The following PDK3 variants were observed in gnomAD, a reference collection of about 807,000 sequenced individuals.
PDK3 encodes pyruvate dehydrogenase kinase 3, also known as pyruvate dehydrogenase kinase, isozyme 3.
In PDK3, 12 loss-of-function variants were observed where a neutral mutation model predicts 32.0. That is an observed-to-expected ratio of 0.37 (90% CI 0.24 to 0.61). The LOEUF (loss-of-function observed/expected upper bound fraction) is 0.61. PDK3 is among the 20% of genes least tolerant of loss of function. The probability of loss-of-function intolerance (pLI) is 0.65; values close to 1 mark genes in which losing one functional copy is unlikely to be tolerated. For synonymous variants in PDK3, 122 were observed against 116.3 expected (o/e 1.05, Z -0.31); for missense variants, 188 against 316.9 (o/e 0.59, Z 3.09).
chrX:24,477,080 AGGTAATC>A (rs1353187799), intron 1 of PDK3, among the ~76,000 whole-genome samples: 2 of 111,971 alleles, frequency 1.8e-5, no homozygotes, highest in African/African-American at 6.5e-5. Flanking sequence ...AGGCTTTTCC[AGGTAATC>A]GGGTGGTTTA....
intron 10 of PDK3, among the ~76,000 whole-genome samples, chrX:24,532,529 G>A (rs1922674633): frequency 9.0e-6 from 1 of 111,258 alleles, no homozygotes; most frequent in South Asian, 3.8e-4. Flanking sequence ...GGTGATCATT[G>A]GGCTTTTATT....
chrX:24,541,046 A>G (rs1016972625), exon 12 of PDK3, among the ~76,000 whole-genome samples: 5 of 105,667 alleles, frequency 4.7e-5, no homozygotes, highest in African/African-American at 1.7e-4. Flanking sequence ...AATAGCTGGG[A>G]TTACAGGCAT....
At chrX:24,473,538 G>A (rs987292736) in intron 1 of PDK3, among the ~76,000 whole-genome samples, 2 of 108,905 alleles carry the variant, frequency 1.8e-5, no homozygotes, top group Non-Finnish European at 3.8e-5. Flanking sequence ...CCGGGTTCAG[G>A]TGATTCTCCT....
At chrX:24,512,294 C>T (rs1367123554) in intron 5 of PDK3, among the ~76,000 whole-genome samples, 3 of 111,898 alleles carry the variant, frequency 2.7e-5, no homozygotes, top group Non-Finnish European at 5.6e-5. Context: ...GTGTAAAAAT[C>T]GATTCTCACA....
At chrX:24,497,964 A>G in intron 2 of PDK3, among the ~76,000 whole-genome samples, 1 of 111,786 alleles carries the variant, frequency 8.9e-6, no homozygotes, top group African/African-American at 3.3e-5. Context: ...CCAGATTTTA[A>G]TGTTGGACAG....
downstream of PDK3, chrX:24,539,167 G>GAA (rs1922839572): frequency 9.0e-7 from 1 of 1,108,556 alleles, no homozygotes; most frequent in Non-Finnish European, 1.2e-6. Flanking sequence ...CTTTCTAGAG[G>GAA]ACTGAATGCT....
rs370471581 is a variant in PDK3 at position 24,523,619 on chromosome X, T to C, written c.674-2579T>C. On this transcript the variant is annotated intron_variant, in intron 6 of 10. Transcript: ENST00000379162. ...GAGGGATGACGGGAGGCAGCTGTAC[T>C]CTGGCCGGGTTCAGCCTGCCAACAG... 1.5e-3 allele frequency among the ~76,000 whole-genome samples: 165 copies of C among 112,568 alleles called. 1 individual carries two copies. The highest frequency in any genetic ancestry group is 4.8e-3 in the African/African-American group (148 of 31,051).
At chrX:24,526,486 T>C (rs1371617339) in intron 7 of PDK3, among the ~76,000 whole-genome samples, 1 of 112,453 alleles carries the variant, frequency 8.9e-6, no homozygotes, top group Non-Finnish European at 1.9e-5. Context: ...TTAGTACATA[T>C]TGATTTTGAA....
intron 1 of PDK3, among the ~76,000 whole-genome samples, chrX:24,479,998 C>T (rs937838329): frequency 1.8e-5 from 2 of 111,038 alleles, no homozygotes; most frequent in Admixed American, 9.6e-5. Flanking sequence ...CATGTCTGCC[C>T]GCCTGATCGT....
At chrX:24,496,810 C>G (rs1284688699) in intron 2 of PDK3, among the ~76,000 whole-genome samples, 2 of 66,416 alleles carry the variant, frequency 3.0e-5, no homozygotes, top group Non-Finnish European at 5.0e-5. Flanking sequence ...GAGACAGAGT[C>G]TCTCTCTGTT....
chrX:24,484,273 C>T (rs1049954586), intron 1 of PDK3, among the ~76,000 whole-genome samples: 1 of 112,361 alleles, frequency 8.9e-6, no homozygotes, highest in Non-Finnish European at 1.9e-5. Flanking sequence ...CTTGGCTTCC[C>T]ACTGGGATTA....
chrX:24,547,422 GTAATATATTA>G (rs1258129932), exon 12 of PDK3: 1 of 111,479 alleles, frequency 9.0e-6, no homozygotes, highest in Admixed American at 9.5e-5. Context: ...TATGGAGAGG[GTAATATATTA>G]TGTAGAAATT....
At chrX:24,500,117 T>G (rs1310694400) in intron 3 of PDK3, among the ~76,000 whole-genome samples, 1 of 110,979 alleles carries the variant, frequency 9.0e-6, no homozygotes, top group Non-Finnish European at 1.9e-5. Flanking sequence ...GTATAGTTGG[T>G]CCTTTGTACT....
chrX:24,496,568 C>CTTTTTT lies in PDK3; in HGVS notation c.248+1703_248+1708dup, dbSNP rs763095558. ...CTAATTGTCCTGATACTACCCCCAT[C>CTTTTTT]TTTTTTTTTTTTTTTTTTTTTTTGC... On this transcript the variant is annotated intron_variant, in intron 2 of 10. Coordinates refer to ENST00000379162, the MANE Select transcript of PDK3 (RefSeq NM_005391.5). Among the ~76,000 whole-genome samples the CTTTTTT allele has an allele frequency of 2.8e-3, 109 of 39,314 alleles. 9 individuals are homozygous for CTTTTTT. The highest frequency in any genetic ancestry group is 0.014 in the Admixed American group (44 of 3,207). 34.1% of individuals were successfully genotyped at this position (39,314 alleles called of 115,157 possible). A position where few individuals can be genotyped will look rare whatever the true frequency, so the allele number is the denominator to read the frequency against.
At position 24,498,819 on chromosome X, in the gene PDK3, T is replaced by C. The variant is rs1270489752; in HGVS notation, c.249-10T>C. On this transcript the variant is annotated splice_polypyrimidine_tract_variant and intron_variant, in intron 2 of 10. Coordinates refer to ENST00000379162, the MANE Select transcript of PDK3 (RefSeq NM_005391.5). ...TAACTCTTCTTTTTCTTTTTTTTTT[T>C]TCCTTTTAGGTATATGCAGAGTTTT... The C allele has an allele frequency of 7.6e-6, 8 of 1,056,532 alleles. No individual in the cohort carries two copies. Among genetic ancestry groups the C allele is most frequent in the Non-Finnish European group, 1.0e-5 (8 of 780,916 alleles). The allele number at this position is 1,056,532 out of a possible 1,213,427, so 87.1% of individuals were successfully genotyped here.
chrX:24,530,828 A>G (rs2148202962), intron 9 of PDK3, among the ~76,000 whole-genome samples: 1 of 112,119 alleles, frequency 8.9e-6, no homozygotes, highest in East Asian at 2.8e-4. Context: ...TACCTGAACT[A>G]CAATATACCA....
At position 24,475,221 on chromosome X, in the gene PDK3, G is replaced by C. The variant is rs140412420; in HGVS notation, c.106+9660G>C. ...TTTCCCTGTAAGCAGTAGTTTTTCT[G>C]CTACAAGGTGTCACCAAGAATTAGA... On this transcript the variant is annotated intron_variant, in intron 1 of 10. Transcript: ENST00000379162. Among the ~76,000 whole-genome samples, 666 of 105,544 alleles carry C rather than the reference G, an allele frequency of 6.3e-3. 8 individuals are homozygous for C. Among genetic ancestry groups the C allele is most frequent in the African/African-American group, 0.022 (633 of 28,613 alleles). 91.7% of individuals were successfully genotyped at this position (105,544 alleles called of 115,157 possible).
At position 24,534,094 on chromosome X, in the gene PDK3, A is replaced by G; in HGVS notation, c.*22A>G. ...GTAATATACCACCTTGATTTCCATT[A>G]CAAAGTATCTGATTTGTCTGAATAA... On this transcript the variant is annotated 3_prime_UTR_variant, in exon 11 of 11. Transcript: ENST00000379162. The G allele has an allele frequency of 8.4e-7, 1 of 1,186,225 alleles. No individual in the cohort carries two copies. The highest frequency in any genetic ancestry group is 1.1e-6 in the Non-Finnish European group (1 of 881,448).
rs999473256 is a variant in PDK3, at chrX:24,482,068, G to A, written c.107-12674G>A. Among the ~76,000 whole-genome samples, 6 of 112,123 alleles carry A rather than the reference G, an allele frequency of 5.4e-5. 1 individual carries two copies. In the South Asian group the frequency reaches 2.2e-3, roughly 41 times the overall value. On this transcript the variant is annotated intron_variant, in intron 1 of 10. Transcript: ENST00000379162. ...GCCACTCTCTGCTAAACACAATAGTGGTTAGCTGTAATTCTCACAGCGTCC... is the reference window on the plus strand; with the variant it reads ...GCCACTCTCTGCTAAACACAATAGTAGTTAGCTGTAATTCTCACAGCGTCC...
Sources: allele counts gnomAD v4.1 joint callset (sites outside exome capture counted in the v4.1 genomes callset), GRCh38; gene constraint gnomAD v4.1.1; transcripts MANE v1.5; gene names NCBI Gene and HGNC (gene_info 2026-07-23, HGNC 2026-07-21).